The following PRCP variants were observed in gnomAD, a reference collection of about 807,000 sequenced individuals.
The protein encoded by PRCP is lysosomal Pro-X carboxypeptidase.
Under a neutral mutation model 54.2 loss-of-function variants are expected in PRCP, and 46 were observed. The ratio of observed to expected loss-of-function variants is 0.85; its 90% CI spans 0.67 to 1.09. The LOEUF (loss-of-function observed/expected upper bound fraction) is 1.09. PRCP is among the 50% of genes least tolerant of loss of function. The probability of loss-of-function intolerance (pLI) is 0.00; values close to 1 mark genes in which losing one functional copy is unlikely to be tolerated. For synonymous variants in PRCP, 240 were observed against 212.2 expected, an observed-to-expected ratio of 1.13 and a Z score of -1.14; for missense variants, 613 against 596.8, an observed-to-expected ratio of 1.03 and a Z score of -0.28.
At chr11:82,830,937 T>C (rs751946933) in intron 8 of PRCP, 1 of 150,296 alleles carries the variant, frequency 6.7e-6, no homozygotes, top group African/African-American at 2.4e-5. Flanking sequence ...AATAGCCTAG[T>C]GGCTTAGCAA....
chr11:82,831,785 T>C (rs1023402042), intron 8 of PRCP, among the ~76,000 whole-genome samples: 1 of 152,098 alleles, frequency 6.6e-6, no homozygotes, highest in East Asian at 1.9e-4. Context: ...GTTTGTTACA[T>C]AGGTATACAC....
chr11:82,844,841 A>C (rs574637135), intron 6 of PRCP, among the ~76,000 whole-genome samples: 1 of 152,056 alleles, frequency 6.6e-6, no homozygotes, highest in Non-Finnish European at 1.5e-5. Flanking sequence ...CATGTATTCA[A>C]CTAAAAGCTA....
chr11:82,889,363 CAAA>C (rs35397311), intron 1 of PRCP, among the ~76,000 whole-genome samples: 1 of 141,362 alleles, frequency 7.1e-6, no homozygotes, highest in Non-Finnish European at 1.5e-5. Flanking sequence ...GACTCTGTCT[CAAA>C]AAAAAAACCA....
Position 82,824,640 on chromosome 11 carries a change from T to A in PRCP, c.*266A>T, listed in dbSNP as rs1031144433. The A allele has an allele frequency of 1.2e-5, 5 of 432,428 alleles. No homozygotes were observed. The highest frequency in any genetic ancestry group is 2.1e-5 in the Non-Finnish European group (5 of 237,278). The allele number at this position is 432,428 out of a possible 1,614,324, so 26.8% of individuals were successfully genotyped here. A position where few individuals can be genotyped will look rare whatever the true frequency, so the allele number is the denominator to read the frequency against. Reference sequence around the variant, plus strand: ...CCTCTTATGAAAAGCAACCAGGAACTCTACTCCAGTTATGAGGGCCACTGA... The same window carrying A: ...CCTCTTATGAAAAGCAACCAGGAACACTACTCCAGTTATGAGGGCCACTGA... On this transcript the variant is annotated 3_prime_UTR_variant, in exon 9 of 9. Coordinates refer to ENST00000313010, the MANE Select transcript of PRCP (RefSeq NM_005040.4).
intron 1 of PRCP, among the ~76,000 whole-genome samples, chr11:82,896,731 T>C (rs1033236052): frequency 6.7e-6 from 1 of 148,822 alleles, no homozygotes; most frequent in South Asian, 2.1e-4. Flanking sequence ...AAGAAGAAAT[T>C]CTGCCAGCAG....
At chr11:82,856,647 A>G (rs1291431277) in intron 2 of PRCP, among the ~76,000 whole-genome samples, 2 of 152,124 alleles carry the variant, frequency 1.3e-5, no homozygotes, top group Non-Finnish European at 2.9e-5. Flanking sequence ...AATTTACCCA[A>G]GTTAACAAAC....
chr11:82,886,461 T>A (rs968246713), intron 1 of PRCP, among the ~76,000 whole-genome samples: 1 of 152,092 alleles, frequency 6.6e-6, no homozygotes, highest in Non-Finnish European at 1.5e-5. Context: ...ATTTTTGTAT[T>A]TTTTTAAAGA....
chr11:82,901,168 T>G (rs1206227939), upstream of PRCP, among the ~76,000 whole-genome samples: 1 of 152,184 alleles, frequency 6.6e-6, no homozygotes. Flanking sequence ...ACTCCGTTCT[T>G]GGGTCACCCC....
At chr11:82,893,568 A>T (rs1177844427) in intron 1 of PRCP, among the ~76,000 whole-genome samples, 1 of 152,092 alleles carries the variant, frequency 6.6e-6, no homozygotes, top group Non-Finnish European at 1.5e-5. Context: ...AAGGTAAGAG[A>T]ATTGCTTGAG....
chr11:82,870,491 G>C (rs1023982450), intron 1 of PRCP, among the ~76,000 whole-genome samples: 1 of 152,198 alleles, frequency 6.6e-6, no homozygotes, highest in Non-Finnish European at 1.5e-5. Flanking sequence ...ATGGATGCAA[G>C]AGTTATCTTT....
At chr11:82,899,698 G>A (rs1043268890) in intron 1 of PRCP, among the ~76,000 whole-genome samples, 1 of 151,770 alleles carries the variant, frequency 6.6e-6, no homozygotes, top group Admixed American at 6.6e-5. Flanking sequence ...CATACATTCA[G>A]TCTTATGGGG....
intron 1 of PRCP, among the ~76,000 whole-genome samples, chr11:82,877,939 A>G (rs1283774592): frequency 6.6e-6 from 1 of 152,166 alleles, no homozygotes; most frequent in Non-Finnish European, 1.5e-5. Context: ...CAGCCAGTGA[A>G]AGCAACTGAG....
intron 1 of PRCP, among the ~76,000 whole-genome samples, chr11:82,866,341 C>T (rs1199218188): frequency 6.6e-6 from 1 of 152,122 alleles, no homozygotes; most frequent in Non-Finnish European, 1.5e-5. Context: ...CTTAGAGGGT[C>T]GAGCTTCCAT....
chr11:82,856,781 G>A (rs1423511284), intron 2 of PRCP, among the ~76,000 whole-genome samples: 3 of 152,152 alleles, frequency 2.0e-5, no homozygotes, highest in African/African-American at 4.8e-5. Context: ...AGGCGCAGTC[G>A]CTCACGCCTG....
In PRCP at chr11:82,860,087, T is replaced by G; in HGVS notation, c.199A>C (p.Thr67Pro). 1.3e-6 allele frequency: 2 copies of G among 1,560,574 alleles called. No homozygotes were observed. The highest frequency in any genetic ancestry group is 8.7e-7 in the Non-Finnish European group (1 of 1,152,584). ...VDHFGFNTVK[T>P]FNQRYLVADK... The stretch of plus-strand genomic sequence containing the variant: ...GCTACTAGGTACCGCTGATTAAAAG[T>G]TTTCACAGTATTAAATCCAAAATGA... Residue 67 changes from threonine to proline, a missense_variant, in exon 2 of 9, where the codon ACT becomes CCT. By Grantham distance (38) the Thr-to-Pro change is conservative. Transcript: ENST00000313010.
chr11:82,882,339 G>A (rs1015133703), intron 1 of PRCP, among the ~76,000 whole-genome samples: 2 of 152,206 alleles, frequency 1.3e-5, no homozygotes, highest in Non-Finnish European at 1.5e-5. Flanking sequence ...GAAGTGTTAT[G>A]TAATAACATT....
intron 6 of PRCP, among the ~76,000 whole-genome samples, chr11:82,846,802 C>A (rs1013360264): frequency 1.3e-5 from 2 of 152,072 alleles, no homozygotes; most frequent in Non-Finnish European, 2.9e-5. Context: ...AGCAAAATAT[C>A]CCAAAATGAA....
intron 1 of PRCP, chr11:82,884,695 G>A: frequency 7.4e-7 from 1 of 1,357,684 alleles, no homozygotes; most frequent in Non-Finnish European, 1.0e-6. Context: ...CTGATGTAGT[G>A]GAAAAAGAAG....
intron 1 of PRCP, among the ~76,000 whole-genome samples, chr11:82,868,740 G>T (rs892387629): frequency 1.3e-5 from 2 of 152,104 alleles, no homozygotes; most frequent in Non-Finnish European, 2.9e-5. Context: ...TGGGAGATGA[G>T]ATTAGACTCA....
Sources: gnomAD v4.1 joint callset for allele counts (sites outside exome capture counted in the v4.1 genomes callset) on GRCh38, gnomAD v4.1.1 for gene constraint, MANE v1.5 for transcripts, NCBI Gene and HGNC (gene_info 2026-07-23, HGNC 2026-07-21) for gene names.